NFATC1: variants seen among roughly 807,000 people sequenced by gnomAD.
NFATC1 encodes nuclear factor of activated T-cells, cytoplasmic 1.
A neutral mutation model predicts 76.0 loss-of-function variants in NFATC1; 22 were observed. That is an observed-to-expected ratio of 0.29 (90% CI 0.21 to 0.41). The LOEUF is 0.41. Among genes scored for constraint, NFATC1 ranks in the 10% least tolerant of loss-of-function variants. NFATC1 has a pLI of 1.00. For synonymous variants in NFATC1, 704 were observed against 613.1 expected (o/e 1.15, Z -2.19); for missense variants, 1,357 against 1,337.7 (o/e 1.01, Z -0.23).
intron 1 of NFATC1, among the ~76,000 whole-genome samples, chr18:79,397,145 G>A (rs915405611): frequency 1.3e-5 from 2 of 152,246 alleles, no homozygotes; most frequent in African/African-American, 4.8e-5. Context: ...GCCCGTCCCC[G>A]GCACACACCC....
chr18:79,515,450 T>G (rs1600981180), intron 9 of NFATC1, among the ~76,000 whole-genome samples: 2 of 147,074 alleles, frequency 1.4e-5, no homozygotes, highest in South Asian at 2.2e-4. Context: ...GCAGTGGTGG[T>G]GGTGGGCGGG....
intron 2 of NFATC1, among the ~76,000 whole-genome samples, chr18:79,416,558 G>A (rs977703164): frequency 6.6e-6 from 1 of 152,238 alleles, no homozygotes; most frequent in Non-Finnish European, 1.5e-5. Flanking sequence ...ATAGCGAGAC[G>A]TGTAAGGTGG....
Position 79,516,540 on chromosome 18 carries a change from T to C in NFATC1, c.2783-10988T>C, listed in dbSNP as rs114787678. The stretch of plus-strand genomic sequence containing the variant: ...ACCGCCCTTGTTCTTACCCCGTTTC[T>C]CAGCCGAGCGCCGGGCGCCCAGCAG... On this transcript the variant is annotated intron_variant, in intron 9 of 9. Coordinates refer to ENST00000427363, the MANE Select transcript of NFATC1 (RefSeq NM_001278669.2). Among the ~76,000 whole-genome samples, 570 of 152,290 alleles carry C rather than the reference T, an allele frequency of 3.7e-3. 6 individuals carry two copies. Among genetic ancestry groups the C allele is most frequent in the African/African-American group, 0.012 (481 of 41,562 alleles).
intron 6 of NFATC1, among the ~76,000 whole-genome samples, chr18:79,460,286 G>C (rs1320790961): frequency 6.6e-6 from 1 of 152,260 alleles, no homozygotes; most frequent in Non-Finnish European, 1.5e-5. Flanking sequence ...TTTGGAGACA[G>C]AGCATAAGGA....
At chr18:79,467,875 T>C (rs1330687675) in intron 8 of NFATC1, 2 of 1,191,604 alleles carry the variant, frequency 1.7e-6, no homozygotes, top group Non-Finnish European at 2.1e-6. Context: ...AACATGGCTC[T>C]TCTGCTCCAA....
chr18:79,456,503 C>T (rs2087733430), intron 6 of NFATC1, among the ~76,000 whole-genome samples: 2 of 152,264 alleles, frequency 1.3e-5, no homozygotes. Flanking sequence ...GGCATCAGTG[C>T]CCGCTGGCCA....
rs1377413522 is a variant in NFATC1, at chr18:79,469,318, C to T, written c.2092+1736C>T. ...AGTGCATTAATTTTTTTCTTATTTG[C>T]TCAGCATGCGGCAGTCCCCACCGTG... On this transcript the variant is annotated intron_variant, in intron 8 of 9. Transcript: ENST00000427363. 8.1e-6 allele frequency: 8 copies of T among 985,396 alleles called. No homozygotes were observed. In the African/African-American group the frequency reaches 8.7e-5, roughly 11 times the overall value. The allele number at this position is 985,396 out of a possible 1,614,324, so 61.0% of individuals were successfully genotyped here. A position where few individuals can be genotyped will look rare whatever the true frequency, so the allele number is the denominator to read the frequency against.
At chr18:79,526,483 C>T (rs1044802337) in intron 9 of NFATC1, among the ~76,000 whole-genome samples, 15 of 152,270 alleles carry the variant, frequency 9.9e-5, no homozygotes, top group African/African-American at 2.6e-4. Flanking sequence ...CTTCTGTGGG[C>T]GCCATGTCAG....
At chr18:79,407,485 G>A (rs542576229) in intron 1 of NFATC1, among the ~76,000 whole-genome samples, 27 of 152,258 alleles carry the variant, frequency 1.8e-4, no homozygotes, top group South Asian at 6.2e-4. Context: ...TTGCTGTGTC[G>A]CCCAGGCTGG....
At chr18:79,464,694 A>ATATATATATATAT (rs1568994689) in intron 7 of NFATC1, among the ~76,000 whole-genome samples, 1 of 106,716 alleles carries the variant, frequency 9.4e-6, no homozygotes, top group Non-Finnish European at 1.8e-5. Context: ...ATATATATAT[A>ATATATATATATAT]TTTATTTATT....
intron 9 of NFATC1, among the ~76,000 whole-genome samples, chr18:79,522,237 G>T: frequency 8.7e-6 from 1 of 114,392 alleles, no homozygotes; most frequent in South Asian, 3.6e-4. Flanking sequence ...GGTGTAGGGG[G>T]GGTGGCATCT....
At chr18:79,426,785 A>G (rs894376222) in intron 2 of NFATC1, among the ~76,000 whole-genome samples, 1 of 152,230 alleles carries the variant, frequency 6.6e-6, no homozygotes, top group African/African-American at 2.4e-5. Context: ...ATTCGCGGGA[A>G]GCTGGGGGGA....
At chr18:79,427,711 TTGGGGG>T (rs2086424049) in intron 2 of NFATC1, among the ~76,000 whole-genome samples, 1 of 7,348 alleles carries the variant, frequency 1.4e-4, no homozygotes. Flanking sequence ...GTGGGTGGGG[TTGGGGG>T]GGTGCTGGAC....
chr18:79,454,552 C>T (rs752739473), intron 6 of NFATC1, among the ~76,000 whole-genome samples: 4 of 152,310 alleles, frequency 2.6e-5, no homozygotes, highest in Admixed American at 2.0e-4. Context: ...TGGGATGCTC[C>T]AGCAGGGCAG....
At chr18:79,521,001 G>GTGTA (rs753920216) in intron 9 of NFATC1, among the ~76,000 whole-genome samples, 2 of 88,046 alleles carry the variant, frequency 2.3e-5, no homozygotes, top group East Asian at 4.3e-4. Context: ...CTGTGTGTGT[G>GTGTA]GGGGGGGGCA....
At position 79,433,443 on chromosome 18, in the gene NFATC1, T is replaced by TTCTCCA; in HGVS notation, c.1227-128_1227-123dup. Reference sequence around the variant, plus strand: ...GAGTAAGCACTGCATTGACACAGGCTTCTCCATCTCCATGTCAGGACGTGC... The same window carrying TTCTCCA: ...GAGTAAGCACTGCATTGACACAGGCTTCTCCATCTCCATCTCCATGTCAGGACGTGC... On this transcript the variant is annotated intron_variant, in intron 2 of 9. Transcript: ENST00000427363. The TTCTCCA allele has an allele frequency of 3.9e-6, 4 of 1,032,668 alleles. No individual in the cohort carries two copies. The South Asian group carries it at 5.5e-5, about 14-fold the overall frequency. The allele number at this position is 1,032,668 out of a possible 1,614,324, so 64.0% of individuals were successfully genotyped here. A position where few individuals can be genotyped will look rare whatever the true frequency, so the allele number is the denominator to read the frequency against.
At chr18:79,495,584 A>T (rs2089857437) in intron 9 of NFATC1, among the ~76,000 whole-genome samples, 1 of 152,246 alleles carries the variant, frequency 6.6e-6, no homozygotes, top group Non-Finnish European at 1.5e-5. Flanking sequence ...GAGAGATTTC[A>T]CAGAGCTTGG....
At chr18:79,451,266 C>T (rs1322131107) in intron 5 of NFATC1, 140 bp downstream of exon 5, 19 of 1,103,310 alleles carry the variant, frequency 1.7e-5, no homozygotes, top group Admixed American at 2.7e-5. Flanking sequence ...TGTGTGGCCA[C>T]GAGGGGTCTG....
chr18:79,482,347 G>T (rs1313835469), intron 8 of NFATC1, among the ~76,000 whole-genome samples: 11 of 106,106 alleles, frequency 1.0e-4, no homozygotes, highest in South Asian at 6.7e-4. Context: ...GCGTGACCTG[G>T]TCCTGGGGTG....
Sources: gnomAD v4.1 joint callset for allele counts (sites outside exome capture counted in the v4.1 genomes callset) on GRCh38, gnomAD v4.1.1 for gene constraint, MANE v1.5 for transcripts, NCBI Gene and HGNC (gene_info 2026-07-23, HGNC 2026-07-21) for gene names.